The following PRELID2 variants were observed in gnomAD, a reference collection of about 807,000 sequenced individuals.
PRELID2 encodes PRELI domain containing 2, also known as PRELI domain-containing protein 2.
PRELID2 carries 25 observed loss-of-function variants against 28.4 expected under a neutral mutation model. That is an observed-to-expected ratio of 0.88 (90% CI 0.64 to 1.23). PRELID2 has a LOEUF of 1.23. Ranked by LOEUF, PRELID2 falls within the 50% of genes most tolerant of loss-of-function variation. PRELID2 has a pLI of 0.00. For synonymous variants in PRELID2, 76 were observed against 71.6 expected (o/e 1.06, Z -0.31); for missense variants, 201 against 214.4 (o/e 0.94, Z 0.39).
intron 1 of PRELID2, among the ~76,000 whole-genome samples, chr5:145,568,183 C>T (rs780631048): frequency 6.6e-6 from 1 of 152,172 alleles, no homozygotes; most frequent in African/African-American, 2.4e-5. Context: ...TCAAACTACT[C>T]AATTTCCTGG....
chr5:145,585,174 C>T (rs1036439679), intron 1 of PRELID2, among the ~76,000 whole-genome samples: 10 of 152,090 alleles, frequency 6.6e-5, no homozygotes, highest in African/African-American at 2.4e-4. Context: ...CCTCAGCAAA[C>T]TAACACAGGA....
intron 4 of PRELID2, among the ~76,000 whole-genome samples, chr5:145,816,900 C>A (rs7733916): frequency 6.6e-6 from 1 of 151,928 alleles, no homozygotes; most frequent in South Asian, 2.1e-4. Context: ...GTGGATCACG[C>A]CTGGAATCCT....
At chr5:145,264,995 G>T in the PRELID2 span, among the ~76,000 whole-genome samples, 3 of 131,422 alleles carry the variant, frequency 2.3e-5, no homozygotes, top group Non-Finnish European at 4.9e-5. Flanking sequence ...AAAAAAAAAA[G>T]GTAAAGAGTA....
the PRELID2 span, among the ~76,000 whole-genome samples, chr5:145,373,363 G>A: frequency 1.1e-3 from 61 of 56,022 alleles, 1 homozygote; most frequent in African/African-American, 3.8e-3. Flanking sequence ...TAATATATAT[G>A]ATATTATATA....
At chr5:145,644,296 G>C (rs938789621) in intron 1 of PRELID2, among the ~76,000 whole-genome samples, 3 of 152,112 alleles carry the variant, frequency 2.0e-5, no homozygotes, top group Admixed American at 6.5e-5. Context: ...CAGTTTATTG[G>C]CGTAGAGGTA....
intron 6 of PRELID2, among the ~76,000 whole-genome samples, chr5:145,763,890 G>C (rs747558476): frequency 2.6e-5 from 4 of 152,032 alleles, no homozygotes; most frequent in African/African-American, 7.2e-5. Flanking sequence ...AGCCTGGCCA[G>C]CATGGTGAAA....
the PRELID2 span, among the ~76,000 whole-genome samples, chr5:145,309,492 G>A: frequency 6.6e-6 from 1 of 152,162 alleles, no homozygotes; most frequent in Admixed American, 6.5e-5. Flanking sequence ...TGACGGAAAG[G>A]ATTCCTTGTA....
the PRELID2 span, among the ~76,000 whole-genome samples, chr5:145,379,577 G>A: frequency 6.6e-6 from 1 of 152,152 alleles, no homozygotes; most frequent in Non-Finnish European, 1.5e-5. Context: ...GTATGGTGCT[G>A]GTGGTGGCAG....
At chr5:145,234,257 C>T in the PRELID2 span, among the ~76,000 whole-genome samples, 4 of 152,236 alleles carry the variant, frequency 2.6e-5, no homozygotes, top group African/African-American at 7.2e-5. Flanking sequence ...CTAATAACTA[C>T]TGAGTGCTTA....
chr5:145,466,792 C>T, the PRELID2 span, among the ~76,000 whole-genome samples: 4 of 151,990 alleles, frequency 2.6e-5, no homozygotes, highest in Admixed American at 6.6e-5. Context: ...ATTTCAGGGC[C>T]GCCCAGGCCT....
At chr5:145,548,774 G>C (rs926214218) in intron 1 of PRELID2, among the ~76,000 whole-genome samples, 3 of 152,106 alleles carry the variant, frequency 2.0e-5, no homozygotes, top group African/African-American at 7.2e-5. Context: ...TCCTCAGTGG[G>C]GAAGTCAGAG....
intron 5 of PRELID2, among the ~76,000 whole-genome samples, chr5:145,766,176 T>C (rs1250841391): frequency 6.6e-6 from 1 of 152,146 alleles, no homozygotes; most frequent in Non-Finnish European, 1.5e-5. Flanking sequence ...GACATCAAAG[T>C]TGGATCCATG....
chr5:145,821,191 T>TGTGTGTGTGTGTGTG (rs1561649985), intron 2 of PRELID2, among the ~76,000 whole-genome samples: 7 of 31,374 alleles, frequency 2.2e-4, no homozygotes, highest in Admixed American at 6.6e-4. Context: ...GTAAGTCCTC[T>TGTGTGTGTGTGTGTG]TCTGTGTGTG....
chr5:145,676,531 T>C (rs1385187683), intron 1 of PRELID2, among the ~76,000 whole-genome samples: 1 of 152,134 alleles, frequency 6.6e-6, no homozygotes, highest in African/African-American at 2.4e-5. Flanking sequence ...AGAGGGAGAC[T>C]CTGTCTCAAA....
chr5:145,688,322 G>A (rs565927866), intron 1 of PRELID2, among the ~76,000 whole-genome samples: 1 of 152,306 alleles, frequency 6.6e-6, no homozygotes, highest in Admixed American at 6.5e-5. Flanking sequence ...ACCCTCGGTA[G>A]TCACTTAGGG....
At chr5:145,254,043 A>C in the PRELID2 span, among the ~76,000 whole-genome samples, 1 of 152,114 alleles carries the variant, frequency 6.6e-6, no homozygotes, top group Non-Finnish European at 1.5e-5. Flanking sequence ...ACAAGAAGGC[A>C]GTGTCACCTT....
At chr5:145,798,876 G>C (rs540535690) in intron 4 of PRELID2, among the ~76,000 whole-genome samples, 32 of 152,230 alleles carry the variant, frequency 2.1e-4, no homozygotes, top group African/African-American at 7.5e-4. Flanking sequence ...CCTGTCAGTG[G>C]GTGGGGGCCT....
At chr5:145,675,915 C>T (rs1376733457) in intron 1 of PRELID2, among the ~76,000 whole-genome samples, 1 of 152,086 alleles carries the variant, frequency 6.6e-6, no homozygotes, top group Non-Finnish European at 1.5e-5. Context: ...TGAGTTGATA[C>T]CAATATTAAA....
chr5:145,624,414 GA>G (rs1344535467), intron 1 of PRELID2, among the ~76,000 whole-genome samples: 5 of 152,118 alleles, frequency 3.3e-5, no homozygotes, highest in African/African-American at 1.2e-4. Context: ...CCCCTATCCT[GA>G]AACTATCTAT....
Sources: allele counts gnomAD v4.1 joint callset (sites outside exome capture counted in the v4.1 genomes callset), GRCh38; gene constraint gnomAD v4.1.1; transcripts MANE v1.5; gene names NCBI Gene and HGNC (gene_info 2026-07-23, HGNC 2026-07-21).